Variants in PLEKHG4B observed in about 807,000 individuals in gnomAD.
PLEKHG4B encodes pleckstrin homology domain-containing family G member 4B.
In PLEKHG4B, 111 loss-of-function variants were observed where a neutral mutation model predicts 121.3. That is an observed-to-expected ratio of 0.92 (90% CI 0.78 to 1.07). The LOEUF is 1.07. Ranked by LOEUF, PLEKHG4B falls within the 50% of genes least tolerant of loss-of-function variation. The probability of loss-of-function intolerance (pLI) is 0.00; values close to 1 mark genes in which losing one functional copy is unlikely to be tolerated. For missense variants in PLEKHG4B, 1,831 were observed against 1,757.8 expected, an observed-to-expected ratio of 1.04 and a Z score of -0.74; for synonymous variants, 738 against 725.0, an observed-to-expected ratio of 1.02 and a Z score of -0.29.
chr5:116,516 C>T (rs12521910), intron 2 of PLEKHG4B, among the ~76,000 whole-genome samples: 9,887 of 152,280 alleles, frequency 0.065, 449 homozygotes, highest in Non-Finnish European at 0.09. Context: ...TATGTCTGTA[C>T]ATACAGATAA....
In PLEKHG4B at chr5:114,186, A is replaced by C. The variant is rs749232753; in HGVS notation, c.243+738A>C. Among the ~76,000 whole-genome samples the C allele has an allele frequency of 8.5e-5, 13 of 152,170 alleles. 1 individual carries two copies. Among genetic ancestry groups the C allele is most frequent in the Non-Finnish European group, 1.5e-4 (10 of 68,040 alleles). ...TTGATGGCTGCTGACTGATCATGGA[A>C]GTGGTTGCGGAAGGCTGGGGTGGCT... On this transcript the variant is annotated intron_variant, in intron 2 of 19. Coordinates refer to ENST00000637938, the MANE Select transcript of PLEKHG4B (RefSeq NM_052909.5).
rs541383094 is a variant in PLEKHG4B, at chr5:114,332, C to T, written c.243+884C>T. Reference sequence around the variant, plus strand: ...ATTTTACCCACCATAGAACTTCGTTCAGAATTGGAGTCGATCCTCTCACAT... The same window carrying T: ...ATTTTACCCACCATAGAACTTCGTTTAGAATTGGAGTCGATCCTCTCACAT... On this transcript the variant is annotated intron_variant, in intron 2 of 19. Coordinates refer to ENST00000637938, the MANE Select transcript of PLEKHG4B (RefSeq NM_052909.5). Among the ~76,000 whole-genome samples, 3 of 152,320 alleles carry T rather than the reference C, an allele frequency of 2.0e-5. No individual in the cohort carries two copies. The South Asian group carries it at 6.2e-4, about 32-fold the overall frequency.
intron 2 of PLEKHG4B, among the ~76,000 whole-genome samples, chr5:125,485 C>A (rs1252825265): frequency 6.6e-6 from 1 of 152,014 alleles, no homozygotes; most frequent in African/African-American, 2.4e-5. Flanking sequence ...CTGTCTCACC[C>A]CTTTTGGTTG....
chr5:124,419 C>T (rs1734554096), intron 2 of PLEKHG4B, among the ~76,000 whole-genome samples: 3 of 152,178 alleles, frequency 2.0e-5, no homozygotes, highest in Admixed American at 6.5e-5. Context: ...TGTTAAAGTC[C>T]TCCATTTTTA....
At position 157,138 on chromosome 5, in the gene PLEKHG4B, C is replaced by A; in HGVS notation, c.2487+227C>A. ...AGTGGAGAAAAAAAATTTGTTTAATCCAGAGGAGGCCAGGGAGAAAAATAA... is the reference window on the plus strand; with the variant it reads ...AGTGGAGAAAAAAAATTTGTTTAATACAGAGGAGGCCAGGGAGAAAAATAA... On this transcript the variant is annotated intron_variant, in intron 11 of 19. Transcript: ENST00000637938. The surrounding 1 kb of genome is among the most constrained non-coding windows in gnomAD (Gnocchi z 4.6). 1 of 589,290 alleles carries A rather than the reference C, an allele frequency of 1.7e-6. No homozygotes were observed. Among genetic ancestry groups the A allele is most frequent in the Non-Finnish European group, 3.0e-6 (1 of 337,168 alleles). 36.5% of individuals were successfully genotyped at this position (589,290 alleles called of 1,614,324 possible). A position where few individuals can be genotyped will look rare whatever the true frequency, so the allele number is the denominator to read the frequency against.
At chr5:171,003 T>C in intron 14 of PLEKHG4B, 40 bp from the exon 15 acceptor site, 3 of 1,544,992 alleles carry the variant, frequency 1.9e-6, no homozygotes, top group Non-Finnish European at 2.7e-6. Context: ...TCTCTGGGCC[T>C]GTCACTCCCA....
At chr5:158,305 T>C (rs1247397953) in intron 11 of PLEKHG4B, among the ~76,000 whole-genome samples, 1 of 109,712 alleles carries the variant, frequency 9.1e-6, no homozygotes, top group Non-Finnish European at 1.8e-5. Context: ...GGGGGTCTCC[T>C]CCATCTCCTC....
Position 160,795 on chromosome 5 carries a change from T to TG in PLEKHG4B, c.2488-986dup, listed in dbSNP as rs574184177. Among the ~76,000 whole-genome samples the TG allele has an allele frequency of 1.9e-3, 283 of 152,170 alleles. 1 individual carries two copies. Among genetic ancestry groups the TG allele is most frequent in the Non-Finnish European group, 2.8e-3 (190 of 68,008 alleles). ...ATGACAGCCGATTTTTCCACAAAGT[T>TG]GGAGGCCAGGCTCCAGCTCTGCGCC... On this transcript the variant is annotated intron_variant, in intron 11 of 19. Coordinates refer to ENST00000637938, the MANE Select transcript of PLEKHG4B (RefSeq NM_052909.5).
At chr5:160,010 C>A (rs1359449369) in intron 11 of PLEKHG4B, among the ~76,000 whole-genome samples, 1 of 152,204 alleles carries the variant, frequency 6.6e-6, no homozygotes, top group Non-Finnish European at 1.5e-5. Context: ...GAGGACACGT[C>A]TCACTCTGCA....
chr5:164,318 C>A (rs1167753124), intron 13 of PLEKHG4B, among the ~76,000 whole-genome samples: 1 of 152,228 alleles, frequency 6.6e-6, no homozygotes, highest in Non-Finnish European at 1.5e-5. Context: ...AAACCTAGAT[C>A]CCTCACATGT....
intron 2 of PLEKHG4B, among the ~76,000 whole-genome samples, chr5:126,006 C>G (rs1338160424): frequency 6.6e-6 from 1 of 152,182 alleles, no homozygotes. Flanking sequence ...TGAGTCACTT[C>G]TATCTTGCTG....
At chr5:125,089 C>T (rs932322861) in intron 2 of PLEKHG4B, among the ~76,000 whole-genome samples, 4 of 152,170 alleles carry the variant, frequency 2.6e-5, no homozygotes, top group Admixed American at 6.5e-5. Context: ...GCTGAGATCA[C>T]ACCACTCAAC....
rs9986204 is a variant in PLEKHG4B, at chr5:105,623, C to A, written c.46-7628C>A. Among the ~76,000 whole-genome samples the A allele has an allele frequency of 9.9e-3, 1,501 of 152,320 alleles. 20 individuals are homozygous for A. Among genetic ancestry groups the A allele is most frequent in the African/African-American group, 0.035 (1,436 of 41,558 alleles). On this transcript the variant is annotated intron_variant, in intron 1 of 19. Transcript: ENST00000637938. ...AGCTGGCCTCAGACAAAAGGGAATT[C>A]GCTTTTCGTTTGAAGTTGGTTTATT...
chr5:173,175 C>G, intron 17 of PLEKHG4B, 108 bp downstream of exon 17: 1 of 1,093,468 alleles, frequency 9.1e-7, no homozygotes, highest in Middle Eastern at 2.8e-4. Flanking sequence ...GGGAGTGAAG[C>G]GGGGAGGAGC....
intron 2 of PLEKHG4B, among the ~76,000 whole-genome samples, chr5:120,334 T>C (rs1399151911): frequency 1.3e-5 from 2 of 152,206 alleles, no homozygotes; most frequent in Admixed American, 6.5e-5. Context: ...TCTCATCGTC[T>C]AACAGTCTTA....
At chr5:145,016 C>G (rs1309757868) in intron 6 of PLEKHG4B, 96 bp downstream of exon 6, 2 of 1,155,148 alleles carry the variant, frequency 1.7e-6, no homozygotes, top group Admixed American at 4.1e-5. Flanking sequence ...GTAGCCAGTC[C>G]ACAGGCTTAG....
chr5:173,090 G>A, intron 17 of PLEKHG4B, 23 bp downstream of exon 17: 1 of 1,610,526 alleles, frequency 6.2e-7, no homozygotes, highest in Non-Finnish European at 8.5e-7. Context: ...CGGTCCGATT[G>A]GGTGCAGGCC....
chr5:106,667 T>C (rs930583680), intron 1 of PLEKHG4B, among the ~76,000 whole-genome samples: 1 of 152,114 alleles, frequency 6.6e-6, no homozygotes, highest in Non-Finnish European at 1.5e-5. Context: ...AATTTACGAG[T>C]GGCTCCCCCT....
intron 17 of PLEKHG4B, 109 bp downstream of exon 17, chr5:173,176 G>A (rs895669831): frequency 1.7e-5 from 19 of 1,101,846 alleles, no homozygotes; most frequent in African/African-American, 1.1e-4. Flanking sequence ...GGAGTGAAGC[G>A]GGGAGGAGCC....
Sources: gnomAD v4.1 joint callset for allele counts (sites outside exome capture counted in the v4.1 genomes callset) on GRCh38, gnomAD v4.1.1 for gene constraint, Gnocchi (gnomAD v3.1) non-coding constraint, MANE v1.5 for transcripts, NCBI Gene and HGNC (gene_info 2026-07-23, HGNC 2026-07-21) for gene names.